The following FKBP11 variants were observed in gnomAD, a reference collection of about 807,000 sequenced individuals.
FKBP11 encodes peptidyl-prolyl cis-trans isomerase FKBP11.
FKBP11 carries 21 observed loss-of-function variants against 24.7 expected under a neutral mutation model. The ratio of observed to expected loss-of-function variants is 0.85; its 90% CI spans 0.60 to 1.23. The LOEUF (loss-of-function observed/expected upper bound fraction) is 1.23. Ranked by LOEUF, FKBP11 falls within the 50% of genes most tolerant of loss-of-function variation. FKBP11 has a pLI of 0.00. For missense variants in FKBP11, 245 were observed against 248.7 expected (o/e 0.99, Z 0.10); for synonymous variants, 106 against 100.6 (o/e 1.05, Z -0.32).
At chr12:48,922,758 C>T in intron 5 of FKBP11, 8 of 1,000,594 alleles carry the variant, frequency 8.0e-6, no homozygotes, top group South Asian at 4.1e-5. Flanking sequence ...ATAAGCAGCA[C>T]TGGGAATGGG....
chr12:48,923,705 A>G (rs940740853), intron 5 of FKBP11, 77 bp downstream of exon 5: 97 of 1,590,148 alleles, frequency 6.1e-5, no homozygotes, highest in Non-Finnish European at 8.1e-5. Flanking sequence ...TCAAGCATCA[A>G]ACAAAGTATA....
the FKBP11 span, chr12:48,937,208 C>T: frequency 6.6e-6 from 1 of 152,268 alleles, no homozygotes; most frequent in Non-Finnish European, 1.5e-5. Flanking sequence ...CTGCTATCAA[C>T]AAAAGTGGCC....
intron 4 of FKBP11, 152 bp from the exon 5 acceptor site, chr12:48,924,004 G>A (rs1031094902): frequency 1.1e-6 from 1 of 902,186 alleles, no homozygotes; most frequent in Non-Finnish European, 1.8e-6. Context: ...GCCAGCAAAG[G>A]TGTCCATCTC....
Position 48,924,737 on chromosome 12 carries a change from C to G in FKBP11, c.196-89G>C, listed in dbSNP as rs562853456. Reference sequence around the variant, plus strand: ...ACACACCTGGACCGCTGGGCGGCGGCAGCCCCCTTAGTGCGGCAGCCTAGC... The same window carrying G: ...ACACACCTGGACCGCTGGGCGGCGGGAGCCCCCTTAGTGCGGCAGCCTAGC... On this transcript the variant is annotated intron_variant, in intron 2 of 5. Transcript: ENST00000550765. The G allele has an allele frequency of 1.0e-4, 161 of 1,571,442 alleles. 1 individual carries two copies. In the African/African-American group the frequency reaches 1.7e-3, roughly 17 times the overall value.
chr12:48,923,436 C>G (rs1438207942), intron 5 of FKBP11: 3 of 1,532,442 alleles, frequency 2.0e-6, no homozygotes, highest in Admixed American at 4.0e-5. Context: ...GGTGGCTGTA[C>G]AGCTGACACA....
chr12:48,927,597 G>A (rs1939995024), upstream of FKBP11, among the ~76,000 whole-genome samples: 3 of 152,208 alleles, frequency 2.0e-5, no homozygotes. Flanking sequence ...CTGGCCAAGA[G>A]AACATAAACA....
chr12:48,932,843 A>G, the FKBP11 span, among the ~76,000 whole-genome samples: 1 of 152,166 alleles, frequency 6.6e-6, no homozygotes, highest in Non-Finnish European at 1.5e-5. Flanking sequence ...GCCTGGATTG[A>G]CTGCCAGACA....
the FKBP11 span, among the ~76,000 whole-genome samples, chr12:48,932,479 T>C: frequency 6.6e-6 from 1 of 151,124 alleles, no homozygotes; most frequent in Non-Finnish European, 1.5e-5. Context: ...GGTATGTTTA[T>C]GCATATATTC....
At chr12:48,925,253 A>C (rs12829682) in intron 1 of FKBP11, 47 bp downstream of exon 1, 1,534,099 of 1,601,924 alleles carry the variant, frequency 0.96, 738,142 homozygotes, top group East Asian at 1. Context: ...ATTACCACCC[A>C]ACAAGGCTCG....
chr12:48,932,207 T>A, the FKBP11 span, among the ~76,000 whole-genome samples: 1 of 127,178 alleles, frequency 7.9e-6, no homozygotes, highest in Non-Finnish European at 1.6e-5. Flanking sequence ...TAATTGTATA[T>A]ATATCATATA....
the FKBP11 span, among the ~76,000 whole-genome samples, chr12:48,934,833 G>A: frequency 2.6e-5 from 4 of 151,844 alleles, no homozygotes; most frequent in African/African-American, 9.7e-5. Flanking sequence ...CACTAACATG[G>A]AGAAACCCAT....
chr12:48,930,778 G>A (rs1261592979), upstream of FKBP11, among the ~76,000 whole-genome samples: 1 of 152,128 alleles, frequency 6.6e-6, no homozygotes, highest in Non-Finnish European at 1.5e-5. Flanking sequence ...GGACTGATTT[G>A]GCTAAAGTAA....
At chr12:48,936,248 A>G in the FKBP11 span, 1 of 152,704 alleles carries the variant, frequency 6.5e-6, no homozygotes, top group African/African-American at 2.4e-5. Context: ...GGTCACAGTC[A>G]TCGCGTTATC....
chr12:48,924,721 G>T, intron 2 of FKBP11, 73 bp from the exon 3 acceptor site: 2 of 1,584,574 alleles, frequency 1.3e-6, no homozygotes, highest in South Asian at 1.1e-5. Flanking sequence ...CACACACCTG[G>T]ACCGCTGGGC....
chr12:48,930,925 G>A (rs975086917), upstream of FKBP11, among the ~76,000 whole-genome samples: 2 of 151,832 alleles, frequency 1.3e-5, no homozygotes, highest in African/African-American at 2.4e-5. Flanking sequence ...TCAGGATATC[G>A]AGACCCATCC....
chr12:48,935,713 A>G, the FKBP11 span: 1 of 152,260 alleles, frequency 6.6e-6, no homozygotes, highest in Non-Finnish European at 1.5e-5. Flanking sequence ...TAAGGTCATT[A>G]CACTGCCCAG....
chr12:48,928,336 C>T (rs906327343), upstream of FKBP11, among the ~76,000 whole-genome samples: 31 of 151,272 alleles, frequency 2.0e-4, no homozygotes, highest in African/African-American at 5.8e-4. Context: ...TCAGTCACCA[C>T]GCCCAGCTCA....
intron 5 of FKBP11, chr12:48,922,409 C>CA: frequency 2.9e-6 from 2 of 681,192 alleles, no homozygotes; most frequent in South Asian, 6.8e-5. Flanking sequence ...CCCAACTACA[C>CA]ATGTGGCTTG....
At chr12:48,924,735 G>A (rs1939917767) in intron 2 of FKBP11, 87 bp from the exon 3 acceptor site, 1 of 1,574,014 alleles carries the variant, frequency 6.4e-7, no homozygotes, top group East Asian at 2.3e-5. Flanking sequence ...GCTGGGCGGC[G>A]GCAGCCCCCT....
Sources: allele counts gnomAD v4.1 joint callset (sites outside exome capture counted in the v4.1 genomes callset), GRCh38; gene constraint gnomAD v4.1.1; transcripts MANE v1.5; gene names NCBI Gene and HGNC (gene_info 2026-07-23, HGNC 2026-07-21).